Variants in MYO5A observed in about 807,000 individuals in gnomAD.
The protein encoded by MYO5A is myosin VA.
In MYO5A, 98 loss-of-function variants were observed where a neutral mutation model predicts 249.7. The observed-to-expected ratio is 0.39, with a 90% CI of 0.33 to 0.46. MYO5A has a LOEUF of 0.46. Among genes scored for constraint, MYO5A ranks in the 20% least tolerant of loss-of-function variants. The pLI is 0.98. For synonymous variants in MYO5A, 778 were observed against 810.6 expected, an observed-to-expected ratio of 0.96 and a Z score of 0.68; for missense variants, 1,696 against 2,308.8, an observed-to-expected ratio of 0.73 and a Z score of 5.44.
intron 1 of MYO5A, among the ~76,000 whole-genome samples, chr15:52,433,713 C>G (rs547561429): frequency 1.3e-5 from 2 of 152,004 alleles, no homozygotes; most frequent in African/African-American, 4.8e-5. Flanking sequence ...TGAGCCACCA[C>G]GTCCAGCTGA....
rs576217766 is a variant in MYO5A, at chr15:52,393,701, A to G, written c.1402-1631T>C. Among the ~76,000 whole-genome samples, 6 of 152,282 alleles carry G rather than the reference A, an allele frequency of 3.9e-5. 1 individual carries two copies. The South Asian group carries it at 6.2e-4, about 16-fold the overall frequency. On this transcript the variant is annotated intron_variant, in intron 11 of 41. Transcript: ENST00000399233. Reference sequence around the variant, plus strand: ...AGCCACCGCGCCTGGCCTCATTTACAGTGTTTACAGTCTAACGAGCTATTA... The same window carrying G: ...AGCCACCGCGCCTGGCCTCATTTACGGTGTTTACAGTCTAACGAGCTATTA...
At chr15:52,329,866 GC>G (rs1335436028) in intron 35 of MYO5A, among the ~76,000 whole-genome samples, 1 of 147,884 alleles carries the variant, frequency 6.8e-6, no homozygotes, top group Non-Finnish European at 1.5e-5. Context: ...AGCCTTTTGA[GC>G]AGCTAGGACT....
At chr15:52,354,040 G>C in intron 25 of MYO5A, 26 bp from the exon 26 acceptor site, 1 of 1,613,852 alleles carries the variant, frequency 6.2e-7, no homozygotes, top group Non-Finnish European at 8.5e-7. Context: ...CACAAAGATG[G>C]TCAAGACAAG....
At chr15:52,364,290 T>C (rs1396561095) in intron 24 of MYO5A, among the ~76,000 whole-genome samples, 1 of 151,910 alleles carries the variant, frequency 6.6e-6, no homozygotes, top group Non-Finnish European at 1.5e-5. Context: ...CTTTATACTA[T>C]CACATAGCCC....
In MYO5A at chr15:52,345,168, A is replaced by T. The variant is rs142826765; in HGVS notation, c.3959+1193T>A. 4.4e-4 allele frequency among the ~76,000 whole-genome samples: 67 copies of T among 152,314 alleles called. 1 individual carries two copies. The East Asian group carries it at 7.1e-3, about 16-fold the overall frequency. Reference sequence around the variant, plus strand: ...GCATACTATTTGCATATAACCATGTACATCCTCCGTACACTTTAAATCATC... The same window carrying T: ...GCATACTATTTGCATATAACCATGTTCATCCTCCGTACACTTTAAATCATC... On this transcript the variant is annotated intron_variant, in intron 30 of 41. Transcript: ENST00000399233.
chr15:52,444,693 T>C (rs2075852280), intron 1 of MYO5A, among the ~76,000 whole-genome samples: 1 of 152,260 alleles, frequency 6.6e-6, no homozygotes. Context: ...CCTATCATTT[T>C]CAACACTTGT....
At chr15:52,515,046 G>C (rs2077468485) in intron 1 of MYO5A, among the ~76,000 whole-genome samples, 1 of 152,132 alleles carries the variant, frequency 6.6e-6, no homozygotes, top group Admixed American at 6.5e-5. Context: ...GGGAGGCCAG[G>C]GTGGGAGGAT....
At chr15:52,344,625 T>G (rs1259672911) in intron 30 of MYO5A, among the ~76,000 whole-genome samples, 1 of 152,246 alleles carries the variant, frequency 6.6e-6, no homozygotes, top group Non-Finnish European at 1.5e-5. Flanking sequence ...GCCTTTATGC[T>G]TCCAATTTTG....
At chr15:52,326,699 TG>T (rs1223881784) in intron 36 of MYO5A, among the ~76,000 whole-genome samples, 1 of 152,226 alleles carries the variant, frequency 6.6e-6, no homozygotes, top group East Asian at 1.9e-4. Context: ...ATGGTGAATA[TG>T]GCAAATTTTA....
At chr15:52,337,077 T>C (rs1362990686) in intron 33 of MYO5A, among the ~76,000 whole-genome samples, 1 of 152,116 alleles carries the variant, frequency 6.6e-6, no homozygotes, top group Non-Finnish European at 1.5e-5. Context: ...AAAAGATAAG[T>C]TGAAAAAAAT....
At chr15:52,431,231 CAA>C (rs1333488857) in intron 2 of MYO5A, among the ~76,000 whole-genome samples, 6 of 45,848 alleles carry the variant, frequency 1.3e-4, no homozygotes, top group African/African-American at 4.3e-4. Context: ...AATTCCGTCT[CAA>C]AAAAAAAAAA....
intron 1 of MYO5A, among the ~76,000 whole-genome samples, chr15:52,449,244 C>T (rs2075964527): frequency 6.6e-6 from 1 of 152,136 alleles, no homozygotes; most frequent in Admixed American, 6.6e-5. Flanking sequence ...GCTGGGATTA[C>T]AGGCGTGAGC....
At chr15:52,375,876 ATATT>A (rs1443596301) in intron 19 of MYO5A, among the ~76,000 whole-genome samples, 29 of 152,288 alleles carry the variant, frequency 1.9e-4, no homozygotes, top group African/African-American at 7.0e-4. Flanking sequence ...TTCATCTACC[ATATT>A]TTTCCTGATT....
Position 52,313,000 on chromosome 15 carries a change from G to C in MYO5A, c.*696C>G, listed in dbSNP as rs950310414. 2.0e-5 allele frequency: 3 copies of C among 152,640 alleles called. No individual in the cohort carries two copies. Among genetic ancestry groups the C allele is most frequent in the Non-Finnish European group, 4.4e-5 (3 of 68,092 alleles). 9.5% of individuals were successfully genotyped at this position (152,640 alleles called of 1,614,324 possible). On this transcript the variant is annotated 3_prime_UTR_variant, in exon 42 of 42. Coordinates refer to ENST00000399233, the MANE Select transcript of MYO5A (RefSeq NM_001382347.1). ...ATCTGATTGAATTGTAAACAGAATT[G>C]ACAAGAGAAACTTATTGTAGTGCCT...
intron 32 of MYO5A, among the ~76,000 whole-genome samples, chr15:52,338,726 T>C (rs533204991): frequency 1.3e-5 from 2 of 152,288 alleles, no homozygotes; most frequent in South Asian, 2.1e-4. Context: ...CTATTTTTTG[T>C]ATTAGCTATG....
intron 1 of MYO5A, among the ~76,000 whole-genome samples, chr15:52,493,150 T>C (rs1333547848): frequency 2.6e-5 from 4 of 152,176 alleles, no homozygotes; most frequent in Admixed American, 6.5e-5. Context: ...TAGCCTTTTG[T>C]CCAAGAAAAA....
intron 25 of MYO5A, among the ~76,000 whole-genome samples, chr15:52,355,432 C>T (rs2040170611): frequency 6.6e-6 from 1 of 152,216 alleles, no homozygotes; most frequent in Non-Finnish European, 1.5e-5. Context: ...ACTACTTTAA[C>T]AAAACGCTGC....
chr15:52,430,203 G>A (rs2075495624), intron 2 of MYO5A, among the ~76,000 whole-genome samples: 1 of 152,100 alleles, frequency 6.6e-6, no homozygotes, highest in Admixed American at 6.5e-5. Context: ...CCCTTGCCTG[G>A]GGCTGACTGG....
rs1484269117 is a variant in MYO5A at position 52,512,328 on chromosome 15, T to C, written c.27+16452A>G. ...GCTTTGGTTATCTTCAGTTTAAATG[T>C]AAACTGTCAAAAAATTAGAAGTCCT... On this transcript the variant is annotated intron_variant, in intron 1 of 41. Transcript: ENST00000399233. Among the ~76,000 whole-genome samples, 4 of 152,266 alleles carry C rather than the reference T, an allele frequency of 2.6e-5. No individual in the cohort carries two copies. The South Asian group carries it at 6.2e-4, about 24-fold the overall frequency.
Sources: allele counts gnomAD v4.1 joint callset (sites outside exome capture counted in the v4.1 genomes callset), GRCh38; gene constraint gnomAD v4.1.1; transcripts MANE v1.5; gene names NCBI Gene and HGNC (gene_info 2026-07-23, HGNC 2026-07-21).